Variants in ADAMTSL3 observed in about 807,000 individuals in gnomAD.
The protein encoded by ADAMTSL3 is ADAMTS-like protein 3.
A neutral mutation model predicts 201.7 loss-of-function variants in ADAMTSL3; 128 were observed. The observed-to-expected ratio is 0.63, with a 90% CI of 0.55 to 0.73. The LOEUF (loss-of-function observed/expected upper bound fraction) is 0.73, where lower values mean the gene tolerates loss of function less well. Ranked by LOEUF, ADAMTSL3 falls within the 30% of genes least tolerant of loss-of-function variation. ADAMTSL3 has a pLI of 0.00. For missense variants in ADAMTSL3, 1,990 were observed against 2,119.6 expected (o/e 0.94, Z 1.20); for synonymous variants, 738 against 748.4 (o/e 0.99, Z 0.23).
At chr15:83,980,468 C>G (rs1294276088) in intron 20 of ADAMTSL3, among the ~76,000 whole-genome samples, 5 of 152,068 alleles carry the variant, frequency 3.3e-5, no homozygotes, top group African/African-American at 1.2e-4. Flanking sequence ...GATTGTTGAA[C>G]AGTAGAAAGT....
chr15:83,935,319 T>C (rs117392576), intron 17 of ADAMTSL3, among the ~76,000 whole-genome samples: 2,056 of 152,294 alleles, frequency 0.014, 22 homozygotes, highest in South Asian at 0.022. Context: ...TAAGCGTCTG[T>C]CATTCTGATG....
At chr15:83,845,762 C>A (rs979302640) in intron 7 of ADAMTSL3, among the ~76,000 whole-genome samples, 1 of 152,098 alleles carries the variant, frequency 6.6e-6, no homozygotes, top group Non-Finnish European at 1.5e-5. Context: ...TCTTAAAGGG[C>A]CCAGGAAATT....
intron 2 of ADAMTSL3, among the ~76,000 whole-genome samples, chr15:83,679,952 C>A (rs1310402253): frequency 6.6e-6 from 1 of 152,190 alleles, no homozygotes. Context: ...TGACACCATG[C>A]CACCATTGGT....
chr15:83,910,357 G>A (rs1010493711), intron 15 of ADAMTSL3, among the ~76,000 whole-genome samples: 19 of 150,072 alleles, frequency 1.3e-4, no homozygotes, highest in African/African-American at 4.6e-4. Flanking sequence ...GGGGAGACAA[G>A]ATTCAGAATT....
At chr15:84,006,450 A>G (rs1272480642) in intron 23 of ADAMTSL3, among the ~76,000 whole-genome samples, 2 of 152,218 alleles carry the variant, frequency 1.3e-5, no homozygotes, top group East Asian at 1.9e-4. Context: ...ATAGTGTGGA[A>G]TATTTCATGG....
intron 2 of ADAMTSL3, among the ~76,000 whole-genome samples, chr15:83,703,990 CT>C (rs1172944957): frequency 1.5e-5 from 2 of 130,788 alleles, no homozygotes; most frequent in Non-Finnish European, 3.1e-5. Context: ...ATTTTTGTTT[CT>C]CACTCCTTTG....
At chr15:83,897,209 C>A (rs2065633721) in intron 13 of ADAMTSL3, among the ~76,000 whole-genome samples, 2 of 151,970 alleles carry the variant, frequency 1.3e-5, no homozygotes, top group African/African-American at 4.8e-5. Flanking sequence ...AAATCATAAA[C>A]AAATAATCCA....
rs904991018 is a variant in ADAMTSL3, at chr15:83,753,157, G to T, written c.190-20366G>T. 2.0e-5 allele frequency among the ~76,000 whole-genome samples: 3 copies of T among 152,244 alleles called. No individual in the cohort carries two copies. In the East Asian group the frequency reaches 5.8e-4, roughly 29 times the overall value. On this transcript the variant is annotated intron_variant, in intron 3 of 29. Coordinates refer to ENST00000286744, the MANE Select transcript of ADAMTSL3 (RefSeq NM_207517.3). Reference sequence around the variant, plus strand: ...CTGGCTACCTTTCTGAAGACTTGATGGTCTGAATGGTTAGGGTTCTGAACC... The same window carrying T: ...CTGGCTACCTTTCTGAAGACTTGATTGTCTGAATGGTTAGGGTTCTGAACC...
chr15:83,894,290 G>A (rs1167575301), intron 13 of ADAMTSL3, among the ~76,000 whole-genome samples: 1 of 152,152 alleles, frequency 6.6e-6, no homozygotes, highest in East Asian at 1.9e-4. Flanking sequence ...ACTTGCTGGG[G>A]AAGAAGTTAC....
intron 27 of ADAMTSL3, among the ~76,000 whole-genome samples, chr15:84,030,885 C>T (rs2068397138): frequency 6.6e-6 from 1 of 152,142 alleles, no homozygotes; most frequent in Non-Finnish European, 1.5e-5. Context: ...TGAGTGAGTT[C>T]TCACAAGATC....
intron 8 of ADAMTSL3, among the ~76,000 whole-genome samples, chr15:83,860,701 C>T (rs144958524): frequency 0.011 from 1,640 of 152,184 alleles, 33 homozygotes; most frequent in African/African-American, 0.034. Flanking sequence ...CCAAGATGGC[C>T]GAATAGGAAT....
At chr15:83,681,967 C>T (rs2061481522) in intron 2 of ADAMTSL3, among the ~76,000 whole-genome samples, 1 of 152,174 alleles carries the variant, frequency 6.6e-6, no homozygotes, top group Admixed American at 6.5e-5. Flanking sequence ...CTTGATCTAG[C>T]AAAAACACCT....
intron 2 of ADAMTSL3, among the ~76,000 whole-genome samples, chr15:83,663,641 C>T (rs759530752): frequency 4.0e-5 from 6 of 151,810 alleles, no homozygotes; most frequent in Non-Finnish European, 7.4e-5. Flanking sequence ...TCCAGCACTC[C>T]GGGTTTTATG....
intron 3 of ADAMTSL3, among the ~76,000 whole-genome samples, chr15:83,763,330 C>T (rs752200442): frequency 6.6e-6 from 1 of 151,994 alleles, no homozygotes; most frequent in Non-Finnish European, 1.5e-5. Flanking sequence ...CTTTAAAAAT[C>T]GGATGGCCAC....
At chr15:83,947,300 C>T (rs1776179015) in intron 19 of ADAMTSL3, among the ~76,000 whole-genome samples, 1 of 152,242 alleles carries the variant, frequency 6.6e-6, no homozygotes, top group Admixed American at 6.5e-5. Context: ...CCATTCTTCA[C>T]GGAGCCAGGC....
Position 83,726,601 on chromosome 15 carries a change from A to T in ADAMTSL3, c.189+22093A>T, listed in dbSNP as rs574677603. Among the ~76,000 whole-genome samples the T allele has an allele frequency of 2.0e-5, 3 of 152,186 alleles. No individual in the cohort carries two copies. The South Asian group carries it at 6.2e-4, about 32-fold the overall frequency. ...CTAGTTTTTTAGTTTTATTTTTATC[A>T]TGAAGGAATGTTGAATTTTATTAAA... is the stretch of plus-strand genomic sequence containing the variant. On this transcript the variant is annotated intron_variant, in intron 3 of 29. Coordinates refer to ENST00000286744, the MANE Select transcript of ADAMTSL3 (RefSeq NM_207517.3).
At chr15:83,874,657 T>C (rs2065145388) in intron 9 of ADAMTSL3, among the ~76,000 whole-genome samples, 1 of 143,466 alleles carries the variant, frequency 7.0e-6, no homozygotes, top group Non-Finnish European at 1.5e-5. Flanking sequence ...TCTCCCTAGA[T>C]GCAGAGCTCT....
chr15:83,703,171 C>T (rs547027870), intron 2 of ADAMTSL3, among the ~76,000 whole-genome samples: 219 of 152,222 alleles, frequency 1.4e-3, no homozygotes, highest in Middle Eastern at 0.014. Context: ...TTTGGAATGG[C>T]TGTGTTTATC....
chr15:83,988,066 A>G (rs2067513408), intron 21 of ADAMTSL3, among the ~76,000 whole-genome samples: 1 of 152,194 alleles, frequency 6.6e-6, no homozygotes, highest in South Asian at 2.1e-4. Flanking sequence ...TCAAAGCGGT[A>G]TTTACACACA....
Sources: gnomAD v4.1 joint callset for allele counts (sites outside exome capture counted in the v4.1 genomes callset) on GRCh38, gnomAD v4.1.1 for gene constraint, MANE v1.5 for transcripts, NCBI Gene and HGNC (gene_info 2026-07-23, HGNC 2026-07-21) for gene names.